The following PALM variants were observed in gnomAD, a reference collection of about 807,000 sequenced individuals.
PALM encodes the protein paralemmin.
PALM carries 18 observed loss-of-function variants against 30.7 expected under a neutral mutation model. The observed-to-expected ratio is 0.59, with a 90% CI of 0.41 to 0.87. PALM has a LOEUF of 0.87. PALM is among the 40% of genes least tolerant of loss of function. PALM has a pLI of 0.00. For synonymous variants in PALM, 286 were observed against 242.8 expected (o/e 1.18, Z -1.66); for missense variants, 529 against 555.4 (o/e 0.95, Z 0.48).
intron 2 of PALM, among the ~76,000 whole-genome samples, 172 bp downstream of exon 2, chr19:726,361 C>T (rs1437085183): frequency 6.6e-6 from 1 of 152,148 alleles, no homozygotes; most frequent in Non-Finnish European, 1.5e-5. Context: ...AGTGGAGACC[C>T]CCTGAGTCGG....
At chr19:716,367 G>A (rs1211729452) in intron 1 of PALM, among the ~76,000 whole-genome samples, 8 of 151,318 alleles carry the variant, frequency 5.3e-5, no homozygotes, top group South Asian at 2.1e-4. Context: ...CCGAGATTGC[G>A]CCACTGCCCT....
intron 5 of PALM, 91 bp downstream of exon 5, chr19:731,336 G>A (rs531056196): frequency 1.3e-4 from 152 of 1,200,558 alleles, no homozygotes; most frequent in Non-Finnish European, 1.7e-4. Context: ...CAGCGTAGCT[G>A]AGGGGACAGG....
At chr19:711,674 G>A (rs1302673400) in intron 1 of PALM, among the ~76,000 whole-genome samples, 1 of 152,164 alleles carries the variant, frequency 6.6e-6, no homozygotes, top group Non-Finnish European at 1.5e-5. Context: ...GGTGGCTTCT[G>A]GTTTGCCCAG....
chr19:725,945 C>T (rs1486238842), intron 1 of PALM, among the ~76,000 whole-genome samples, 193 bp from the exon 2 acceptor site: 1 of 152,238 alleles, frequency 6.6e-6, no homozygotes, highest in African/African-American at 2.4e-5. Flanking sequence ...GCCTCGTCCC[C>T]TCCTGTCCTG....
intron 1 of PALM, chr19:719,319 C>T: frequency 1.0e-6 from 1 of 985,472 alleles, no homozygotes; most frequent in South Asian, 4.7e-5. Flanking sequence ...CTCTGCGGGG[C>T]TCCCGTCGGG....
chr19:746,973 C>T lies in PALM; in HGVS notation c.*159C>T, dbSNP rs1555692128. ...AGTTTTCTTTCGCTGGAAAGAGGGA[C>T]AGGGGCCCCCACCCGTCACCACGCC... On this transcript the variant is annotated 3_prime_UTR_variant, in exon 9 of 9. Coordinates refer to ENST00000338448, the MANE Select transcript of PALM (RefSeq NM_002579.3). This position sits in a 1 kb window ranked among gnomAD's most constrained non-coding sequence, Gnocchi z 7.1. 3.6e-5 allele frequency: 22 copies of T among 612,764 alleles called. No individual in the cohort carries two copies. Among genetic ancestry groups the T allele is most frequent in the Non-Finnish European group, 8.6e-6 (3 of 349,742 alleles). The allele number at this position is 612,764 out of a possible 1,614,324, so 38.0% of individuals were successfully genotyped here. A position where few individuals can be genotyped will look rare whatever the true frequency, so the allele number is the denominator to read the frequency against.
intron 1 of PALM, among the ~76,000 whole-genome samples, chr19:725,087 G>A (rs1370334768): frequency 6.6e-6 from 1 of 151,558 alleles, no homozygotes; most frequent in African/African-American, 2.4e-5. Context: ...TCCACGCCCA[G>A]CTAATTTTTG....
chr19:711,741 G>A (rs1423638398), intron 1 of PALM, among the ~76,000 whole-genome samples: 2 of 152,200 alleles, frequency 1.3e-5, no homozygotes, highest in African/African-American at 4.8e-5. Flanking sequence ...TTACACTGGA[G>A]TGGTTTTGAA....
chr19:740,298 G>C (rs891369616), intron 7 of PALM, 54 bp from the exon 8 acceptor site: 3 of 1,478,700 alleles, frequency 2.0e-6, no homozygotes, highest in African/African-American at 2.8e-5. Flanking sequence ...GCAGCCCGGC[G>C]GGGGGGTGCG....
intron 1 of PALM, 43 bp from the exon 2 acceptor site, chr19:726,095 A>T (rs1456949811): frequency 6.8e-7 from 1 of 1,480,146 alleles, no homozygotes; most frequent in Non-Finnish European, 9.4e-7. Flanking sequence ...GACGGACAGC[A>T]GGGCTCAGTG....
chr19:729,880 G>A (rs563844650), intron 4 of PALM, among the ~76,000 whole-genome samples: 119 of 152,314 alleles, frequency 7.8e-4, no homozygotes, highest in African/African-American at 2.8e-3. Flanking sequence ...AGAGGTGGAT[G>A]GTCAGACACC....
intron 3 of PALM, 143 bp downstream of exon 3, chr19:727,231 TGACCCCGACCCCGACCCC>T (rs71174319): frequency 1.5e-5 from 9 of 593,298 alleles, no homozygotes; most frequent in East Asian, 2.9e-5. Flanking sequence ...ACCCCGACCC[TGACCCCGACCCCGACCCC>T]GACCCTGACC....
chr19:723,480 C>T (rs1444714808), intron 1 of PALM, among the ~76,000 whole-genome samples: 1 of 152,176 alleles, frequency 6.6e-6, no homozygotes, highest in Non-Finnish European at 1.5e-5. Context: ...CCCTACCGTC[C>T]TCTCCCTGCC....
At chr19:727,542 G>C (rs772934055) in intron 3 of PALM, 22 bp from the exon 4 acceptor site, 4 of 1,575,628 alleles carry the variant, frequency 2.5e-6, no homozygotes, top group African/African-American at 1.3e-5. Context: ...CCACGACTCT[G>C]ACCTGGATCC....
At chr19:726,289 C>A in intron 2 of PALM, 100 bp downstream of exon 2, 3 of 923,876 alleles carry the variant, frequency 3.2e-6, no homozygotes, top group Non-Finnish European at 5.1e-6. Flanking sequence ...GGAACCAGGG[C>A]ATGGTGGGTG....
chr19:716,340 G>A (rs1026236557), intron 1 of PALM, among the ~76,000 whole-genome samples: 2 of 152,020 alleles, frequency 1.3e-5, no homozygotes, highest in African/African-American at 4.8e-5. Context: ...TTGAACCCAG[G>A]AGGAGGTTGC....
chr19:733,034 C>T (rs1019562946), intron 5 of PALM, among the ~76,000 whole-genome samples: 1 of 152,028 alleles, frequency 6.6e-6, no homozygotes, highest in Non-Finnish European at 1.5e-5. Flanking sequence ...TCAAGTGATT[C>T]TCCTGCCTTA....
intron 8 of PALM, among the ~76,000 whole-genome samples, chr19:745,716 CT>C: frequency 6.6e-6 from 1 of 150,482 alleles, no homozygotes; most frequent in Admixed American, 6.7e-5. Flanking sequence ...CAATTCATTC[CT>C]TTCCACTCTT....
Position 731,193 on chromosome 19 carries a change from C to T in PALM, c.368C>T (p.Pro123Leu), listed in dbSNP as rs568795902. Reference sequence around the variant, plus strand: ...CCGAGCCCAGTCCGGGCCCCAGCCCCGAGTCCAGCCAAGGAGGAGCGCAAG... The same window carrying T: ...CCGAGCCCAGTCCGGGCCCCAGCCCTGAGTCCAGCCAAGGAGGAGCGCAAG... ...AAPSPVRAPA[P>L]SPAKEERKTE... The change falls in exon 5 of 9, where the codon CCG (proline) becomes CTG (leucine). Residue 123 changes from proline (P) to leucine (L), a missense_variant. By Grantham distance (98) the Pro-to-Leu change is moderately conservative. Transcript: ENST00000338448. 8.1e-5 allele frequency: 131 copies of T among 1,611,142 alleles called. No homozygotes were observed. The highest frequency in any genetic ancestry group is 1.7e-4 in the Middle Eastern group (1 of 5,990).
Sources: gnomAD v4.1 joint callset for allele counts (sites outside exome capture counted in the v4.1 genomes callset) on GRCh38, gnomAD v4.1.1 for gene constraint, Gnocchi (gnomAD v3.1) non-coding constraint, MANE v1.5 for transcripts, NCBI Gene and HGNC (gene_info 2026-07-23, HGNC 2026-07-21) for gene names.